The following CTNNA3 variants were observed in gnomAD, a reference collection of about 807,000 sequenced individuals.
CTNNA3 encodes catenin alpha-3.
Under a neutral mutation model 95.7 loss-of-function variants are expected in CTNNA3, and 76 were observed. That is an observed-to-expected ratio of 0.79 (90% CI 0.66 to 0.96). CTNNA3 has a LOEUF of 0.96. CTNNA3 is among the 40% of genes least tolerant of loss of function. The pLI is 0.00. For synonymous variants in CTNNA3, 431 were observed against 374.4 expected (o/e 1.15, Z -1.74); for missense variants, 1,191 against 1,089.8 (o/e 1.09, Z -1.31).
At chr10:67,512,577 A>G (rs1299098617) in intron 5 of CTNNA3, among the ~76,000 whole-genome samples, 1 of 152,208 alleles carries the variant, frequency 6.6e-6, no homozygotes, top group African/African-American at 2.4e-5. Flanking sequence ...GAAAACTACA[A>G]AATGATGTAC....
At chr10:67,584,825 T>C (rs1842565184) in intron 3 of CTNNA3, among the ~76,000 whole-genome samples, 1 of 152,212 alleles carries the variant, frequency 6.6e-6, no homozygotes, top group Non-Finnish European at 1.5e-5. Context: ...AACTGTGTGC[T>C]AGCAATGAGC....
At chr10:66,783,159 C>T (rs544912718) in intron 7 of CTNNA3, among the ~76,000 whole-genome samples, 38 of 152,174 alleles carry the variant, frequency 2.5e-4, no homozygotes, top group South Asian at 1.7e-3. Context: ...GAGATACTCA[C>T]GCCAGAATAC....
intron 5 of CTNNA3, among the ~76,000 whole-genome samples, chr10:67,505,892 G>A (rs1423583879): frequency 6.6e-6 from 1 of 152,094 alleles, no homozygotes; most frequent in African/African-American, 2.4e-5. Context: ...ATTTTAGCCT[G>A]TATTAATGCT....
chr10:67,726,294 T>A (rs1398760414), intron 1 of CTNNA3, among the ~76,000 whole-genome samples: 12 of 67,550 alleles, frequency 1.8e-4, no homozygotes, highest in Non-Finnish European at 7.2e-5. Context: ...ACATATTATA[T>A]ATGATATTAT....
chr10:67,189,266 T>G (rs1484741936), intron 6 of CTNNA3, among the ~76,000 whole-genome samples: 1 of 151,862 alleles, frequency 6.6e-6, no homozygotes, highest in Non-Finnish European at 1.5e-5. Flanking sequence ...GTATGTAAAA[T>G]CCAAAAGAAT....
intron 15 of CTNNA3, among the ~76,000 whole-genome samples, chr10:66,035,537 A>T (rs199996809): frequency 1.5e-4 from 22 of 147,184 alleles, no homozygotes; most frequent in Non-Finnish European, 2.5e-4. Context: ...GAATGAGGGT[A>T]TTTTTTTTTT....
At chr10:67,104,493 A>C (rs1262110108) in intron 7 of CTNNA3, among the ~76,000 whole-genome samples, 3 of 151,968 alleles carry the variant, frequency 2.0e-5, no homozygotes, top group Non-Finnish European at 1.5e-5. Flanking sequence ...ATGGACAAAT[A>C]AAATTATTTT....
At chr10:66,055,221 T>A (rs2080053278) in intron 15 of CTNNA3, among the ~76,000 whole-genome samples, 1 of 152,180 alleles carries the variant, frequency 6.6e-6, no homozygotes, top group African/African-American at 2.4e-5. Flanking sequence ...TGTGGTTCCA[T>A]ATACATTTTA....
intron 5 of CTNNA3, among the ~76,000 whole-genome samples, chr10:67,498,910 T>G (rs1839134683): frequency 6.6e-6 from 1 of 152,178 alleles, no homozygotes; most frequent in South Asian, 2.1e-4. Flanking sequence ...TCTCTTCCTA[T>G]TTGAATATGC....
At chr10:67,582,843 T>C (rs555078745) in intron 3 of CTNNA3, among the ~76,000 whole-genome samples, 2 of 152,260 alleles carry the variant, frequency 1.3e-5, no homozygotes, top group Non-Finnish European at 2.9e-5. Context: ...TGATCTTTTT[T>C]CATTTAAAGT....
At chr10:67,124,452 A>T (rs184115918) in intron 7 of CTNNA3, among the ~76,000 whole-genome samples, 47 of 151,796 alleles carry the variant, frequency 3.1e-4, no homozygotes, top group African/African-American at 1.1e-3. Flanking sequence ...GGAAAATATT[A>T]CAAAAAATCA....
chr10:67,215,781 T>A (rs185204330), intron 6 of CTNNA3, among the ~76,000 whole-genome samples: 1 of 152,190 alleles, frequency 6.6e-6, no homozygotes, highest in Non-Finnish European at 1.5e-5. Flanking sequence ...TGCAAATGTA[T>A]CTTACGGGAC....
At chr10:66,189,616 A>G (rs2086550315) in intron 13 of CTNNA3, among the ~76,000 whole-genome samples, 1 of 118,376 alleles carries the variant, frequency 8.4e-6, no homozygotes, top group East Asian at 2.6e-4. Flanking sequence ...ATATATATAT[A>G]TACACACATA....
At chr10:67,374,720 A>G (rs996082238) in intron 5 of CTNNA3, among the ~76,000 whole-genome samples, 2 of 152,202 alleles carry the variant, frequency 1.3e-5, no homozygotes, top group East Asian at 1.9e-4. Flanking sequence ...GACTTGAAGG[A>G]AGTAAAGCAG....
At chr10:66,889,987 C>T (rs563806580) in intron 7 of CTNNA3, among the ~76,000 whole-genome samples, 3 of 152,192 alleles carry the variant, frequency 2.0e-5, no homozygotes, top group Admixed American at 6.5e-5. Context: ...AATGGGGTTT[C>T]ACCATGTTGG....
At chr10:66,178,857 C>T (rs923298874) in intron 13 of CTNNA3, among the ~76,000 whole-genome samples, 1 of 151,872 alleles carries the variant, frequency 6.6e-6, no homozygotes, top group Non-Finnish European at 1.5e-5. Flanking sequence ...CATGAAATAT[C>T]ATTACATACC....
At chr10:66,639,013 G>A (rs1030165188) in intron 9 of CTNNA3, among the ~76,000 whole-genome samples, 1 of 151,826 alleles carries the variant, frequency 6.6e-6, no homozygotes, top group African/African-American at 2.4e-5. Context: ...TTTCTCTGTT[G>A]GTGAATAATT....
At chr10:66,088,485 T>TTGTGTGTGTGTGTGTGTG (rs3074377) in intron 14 of CTNNA3, among the ~76,000 whole-genome samples, 5 of 139,568 alleles carry the variant, frequency 3.6e-5, no homozygotes, top group South Asian at 4.7e-4. Context: ...GGTAGGTGTT[T>TTGTGTGTGTGTGTGTGTG]TGTGTGTGTG....
intron 10 of CTNNA3, among the ~76,000 whole-genome samples, chr10:66,531,387 CGTTT>C (rs3053810): frequency 0.52 from 78,866 of 151,238 alleles, 21,771 homozygotes; most frequent in Middle Eastern, 0.72. Flanking sequence ...ATGGTTTGTT[CGTTT>C]GTTTGTTTGT....
Sources: allele counts gnomAD v4.1 joint callset (sites outside exome capture counted in the v4.1 genomes callset), GRCh38; gene constraint gnomAD v4.1.1; transcripts MANE v1.5; gene names NCBI Gene and HGNC (gene_info 2026-07-23, HGNC 2026-07-21).